Variants in DAPL1 observed in about 807,000 individuals in gnomAD.
The protein encoded by DAPL1 is death associated protein like 1, also known as death-associated protein-like 1.
DAPL1 carries 17 observed loss-of-function variants against 12.9 expected under a neutral mutation model. That is an observed-to-expected ratio of 1.32 (90% CI 0.90 to 1.98). The LOEUF is 1.98. DAPL1 is among the 30% of genes most tolerant of loss of function. DAPL1 has a pLI of 0.00. For missense variants in DAPL1, 157 were observed against 125.7 expected (o/e 1.25, Z -1.19); for synonymous variants, 51 against 42.0 (o/e 1.21, Z -0.82).
intron 1 of DAPL1, among the ~76,000 whole-genome samples, chr2:158,797,366 C>T (rs536824588): frequency 6.6e-6 from 1 of 152,302 alleles, no homozygotes; most frequent in East Asian, 1.9e-4. Context: ...GAACACATCA[C>T]TATCAAAAGA....
chr2:158,807,139 G>A (rs2059207347), intron 3 of DAPL1, 24 bp downstream of exon 3: 1 of 1,589,504 alleles, frequency 6.3e-7, no homozygotes, highest in Admixed American at 1.7e-5. Flanking sequence ...AAATCACATA[G>A]CGCTCCAAGT....
At chr2:158,806,908 A>G in intron 2 of DAPL1, 147 bp from the exon 3 acceptor site, 1 of 548,126 alleles carries the variant, frequency 1.8e-6, no homozygotes, top group East Asian at 3.0e-5. Flanking sequence ...GCACATAGGT[A>G]CACAGAGGCA....
intron 3 of DAPL1, among the ~76,000 whole-genome samples, chr2:158,813,669 C>T (rs1245489119): frequency 6.6e-6 from 1 of 151,730 alleles, no homozygotes; most frequent in African/African-American, 2.4e-5. Flanking sequence ...CATTCTCCTG[C>T]CTCAGCCTCC....
chr2:158,806,976 C>T, intron 2 of DAPL1, 79 bp from the exon 3 acceptor site: 2 of 1,040,762 alleles, frequency 1.9e-6, no homozygotes, highest in African/African-American at 1.6e-5. Context: ...GCTGGAGAGA[C>T]AGCCCTCTAT....
chr2:158,806,155 G>A (rs1008425272), intron 2 of DAPL1, among the ~76,000 whole-genome samples: 8 of 147,786 alleles, frequency 5.4e-5, no homozygotes, highest in African/African-American at 2.0e-4. Flanking sequence ...TTAAAAATAT[G>A]CTCTAGACCA....
chr2:158,804,517 C>T, intron 2 of DAPL1, 148 bp downstream of exon 2: 2 of 565,900 alleles, frequency 3.5e-6, no homozygotes, highest in Non-Finnish European at 6.2e-6. Flanking sequence ...TCCGTGGTGA[C>T]TTAGGGTGAG....
chr2:158,799,511 G>A (rs1340751972), intron 1 of DAPL1, among the ~76,000 whole-genome samples: 1 of 151,926 alleles, frequency 6.6e-6, no homozygotes, highest in African/African-American at 2.4e-5. Flanking sequence ...TAGACCCCAG[G>A]AGATCATTGT....
At chr2:158,812,051 A>G (rs978733104) in intron 3 of DAPL1, among the ~76,000 whole-genome samples, 13 of 152,192 alleles carry the variant, frequency 8.5e-5, no homozygotes, top group African/African-American at 2.7e-4. Flanking sequence ...CCCAAGTCCT[A>G]CATCAGGATG....
chr2:158,803,101 C>A (rs929390959), intron 1 of DAPL1, among the ~76,000 whole-genome samples: 2 of 152,176 alleles, frequency 1.3e-5, no homozygotes, highest in Non-Finnish European at 2.9e-5. Context: ...GCAATGTGTA[C>A]CTTAGGCTAC....
rs200074841 is a variant in DAPL1 at position 158,807,105 on chromosome 2, C to A, written c.197C>A (p.Ala66Glu). 1.8e-4 allele frequency: 284 copies of A among 1,609,630 alleles called. No homozygotes were observed. The highest frequency in any genetic ancestry group is 2.1e-4 in the Non-Finnish European group (249 of 1,177,018). ...KIQTLDALNDALEKLNYKFPA... is the reference protein window; with the variant it reads ...KIQTLDALNDELEKLNYKFPA... ...CAGACACTGGATGCCCTGAATGACG[C>A]ACTGGAGAAGGTGAGCCGTGGGCAA... The change falls in exon 3 of 4, where the codon GCA (alanine) becomes GAA (glutamate). Residue 66 changes from alanine (A) to glutamate (E), a missense_variant. Transcript: ENST00000309950.
rs577348145 is a variant in DAPL1, at chr2:158,813,716, C to T, written c.208-1989C>T. 1.1e-3 allele frequency among the ~76,000 whole-genome samples: 165 copies of T among 152,118 alleles called. 1 individual carries two copies. Among genetic ancestry groups the T allele is most frequent in the African/African-American group, 3.6e-3 (150 of 41,512 alleles). Reference sequence around the variant, plus strand: ...GACTACAGTCGCTCGCCACCATGCCCGGCTAATTTTTCATATTTTTAGTAG... The same window carrying T: ...GACTACAGTCGCTCGCCACCATGCCTGGCTAATTTTTCATATTTTTAGTAG... On this transcript the variant is annotated intron_variant, in intron 3 of 3. Coordinates refer to ENST00000309950, the MANE Select transcript of DAPL1 (RefSeq NM_001017920.3).
chr2:158,804,393 A>C (rs774680404), intron 2 of DAPL1, 24 bp downstream of exon 2: 3 of 1,553,648 alleles, frequency 1.9e-6, no homozygotes, highest in Non-Finnish European at 2.6e-6. Context: ...ATTTTTCTCC[A>C]TCACCTTGAG....
intron 2 of DAPL1, among the ~76,000 whole-genome samples, chr2:158,806,739 G>A (rs1156349512): frequency 3.3e-5 from 5 of 151,896 alleles, no homozygotes; most frequent in African/African-American, 1.2e-4. Flanking sequence ...GGGAGGCTGA[G>A]GCAGAAGAAT....
chr2:158,809,293 G>A (rs1575229233), intron 3 of DAPL1, among the ~76,000 whole-genome samples: 1 of 136,818 alleles, frequency 7.3e-6, no homozygotes, highest in East Asian at 2.2e-4. Context: ...GGGAGGTGGA[G>A]GTTGCAGTGA....
chr2:158,797,529 C>T lies in DAPL1; in HGVS notation c.58+2099C>T, dbSNP rs540634970. 2.0e-4 allele frequency among the ~76,000 whole-genome samples: 30 copies of T among 152,292 alleles called. No homozygotes were observed. The East Asian group carries it at 4.6e-3, about 24-fold the overall frequency. On this transcript the variant is annotated intron_variant, in intron 1 of 3. Transcript: ENST00000309950. ...TCACTCAGCTGGGTACAGTAGCTCA[C>T]GCCTGTAATCCCAGCACTTTGGGAG...
chr2:158,804,455 C>T (rs2105151479), intron 2 of DAPL1, 86 bp downstream of exon 2: 1 of 981,454 alleles, frequency 1.0e-6, no homozygotes, highest in Admixed American at 2.5e-5. Flanking sequence ...AACCAAGGCT[C>T]CCTATGCCTT....
At position 158,815,916 on chromosome 2, in the gene DAPL1, G is replaced by A; in HGVS notation, c.*95G>A. The stretch of plus-strand genomic sequence containing the variant: ...AGCTTTCCATAGGCGTGCTGCACTT[G>A]CTTGGTAAATTAAGCAGCTTTTGTA... On this transcript the variant is annotated 3_prime_UTR_variant, in exon 4 of 4. Coordinates refer to ENST00000309950, the MANE Select transcript of DAPL1 (RefSeq NM_001017920.3). 1.2e-6 allele frequency: 1 copy of A among 862,352 alleles called. No individual in the cohort carries two copies. The allele number at this position is 862,352 out of a possible 1,614,324, so 53.4% of individuals were successfully genotyped here.
Position 158,815,828 on chromosome 2 carries a change from AT to A in DAPL1, c.*10del, listed in dbSNP as rs1333688146. 6.3e-7 allele frequency: 1 copy of A among 1,593,634 alleles called. No homozygotes were observed. Among genetic ancestry groups the A allele is most frequent in the Non-Finnish European group, 8.6e-7 (1 of 1,161,206 alleles). ...GCAGCCTCGAAAATGTTAAGCCTGG[AT>A]TTAAAACACAGCCGTCTGGCCAGCT... On this transcript the variant is annotated 3_prime_UTR_variant, in exon 4 of 4. Coordinates refer to ENST00000309950, the MANE Select transcript of DAPL1 (RefSeq NM_001017920.3).
Position 158,795,448 on chromosome 2 carries a change from C to T in DAPL1, c.58+18C>T. On this transcript the variant is annotated intron_variant, in intron 1 of 3. Transcript: ENST00000309950. ...TCCTGCAGGTAGGCTGCCACCTGCCCTCAGTCCTGCAGGCTGTTGCTGCTC... is the reference window on the plus strand; with the variant it reads ...TCCTGCAGGTAGGCTGCCACCTGCCTTCAGTCCTGCAGGCTGTTGCTGCTC... The T allele has an allele frequency of 2.6e-6, 4 of 1,552,186 alleles. No homozygotes were observed. The highest frequency in any genetic ancestry group is 3.5e-6 in the Non-Finnish European group (4 of 1,146,854).
Sources: gnomAD v4.1 joint callset for allele counts (sites outside exome capture counted in the v4.1 genomes callset) on GRCh38, gnomAD v4.1.1 for gene constraint, MANE v1.5 for transcripts, NCBI Gene and HGNC (gene_info 2026-07-23, HGNC 2026-07-21) for gene names.